The following PIK3C2G variants were observed in gnomAD, a reference collection of about 807,000 sequenced individuals.
PIK3C2G encodes phosphatidylinositol 3-kinase C2 domain-containing subunit gamma.
Under a neutral mutation model 181.1 loss-of-function variants are expected in PIK3C2G, and 168 were observed. That is an observed-to-expected ratio of 0.93 (90% CI 0.82 to 1.05). PIK3C2G has a LOEUF of 1.05. Among genes scored for constraint, PIK3C2G ranks in the 50% least tolerant of loss-of-function variants. The pLI, the probability that PIK3C2G is intolerant of heterozygous loss-of-function variation, is 0.00. For synonymous variants in PIK3C2G, 573 were observed against 592.2 expected, an observed-to-expected ratio of 0.97 and a Z score of 0.47; for missense variants, 1,869 against 1,732.8, an observed-to-expected ratio of 1.08 and a Z score of -1.40.
At chr12:18,641,404 G>A (rs1355891254) in intron 32 of PIK3C2G, among the ~76,000 whole-genome samples, 1 of 152,066 alleles carries the variant, frequency 6.6e-6, no homozygotes, top group Non-Finnish European at 1.5e-5. Flanking sequence ...AGGCTCTCGT[G>A]CCTGGATCAG....
Position 18,439,879 on chromosome 12 carries a change from G to A in PIK3C2G, c.2504+15840G>A, listed in dbSNP as rs543251314. ...GTATAATGAATCACAGGATACATTT[G>A]TAAAATACGTTTATTTTATTATCAA... On this transcript the variant is annotated intron_variant, in intron 18 of 32. Transcript: ENST00000538779. 7.2e-5 allele frequency among the ~76,000 whole-genome samples: 11 copies of A among 152,092 alleles called. No homozygotes were observed. In the East Asian group the frequency reaches 1.2e-3, roughly 16 times the overall value.
the PIK3C2G span, among the ~76,000 whole-genome samples, chr12:18,715,443 C>A: frequency 6.6e-6 from 1 of 151,278 alleles, no homozygotes; most frequent in Non-Finnish European, 1.5e-5. Flanking sequence ...GCTCTGTCGC[C>A]CAGACTGGGG....
chr12:18,358,437 G>A (rs1940945867), intron 11 of PIK3C2G: 1 of 193,922 alleles, frequency 5.2e-6, no homozygotes, highest in African/African-American at 2.3e-5. Context: ...TCATCTCACA[G>A]CAGCAGTGCT....
chr12:18,389,589 A>G (rs983954074), intron 14 of PIK3C2G, among the ~76,000 whole-genome samples: 5 of 152,170 alleles, frequency 3.3e-5, no homozygotes, highest in African/African-American at 1.2e-4. Flanking sequence ...TTCATTATGT[A>G]TGGTGCTTAA....
intron 31 of PIK3C2G, among the ~76,000 whole-genome samples, chr12:18,639,474 A>G (rs1361826578): frequency 6.6e-6 from 1 of 152,194 alleles, no homozygotes; most frequent in Non-Finnish European, 1.5e-5. Flanking sequence ...CTTTTAAATC[A>G]TCTGCTTTAA....
intron 9 of PIK3C2G, 115 bp downstream of exon 9, chr12:18,338,663 C>CTGTGTGTGTGTGTGTG (rs199613361): frequency 3.9e-5 from 16 of 413,930 alleles, no homozygotes; most frequent in Non-Finnish European, 5.7e-5. Flanking sequence ...TTGTGTGTAT[C>CTGTGTGTGTGTGTGTG]TGTGTGTGTG....
intron 24 of PIK3C2G, among the ~76,000 whole-genome samples, chr12:18,518,456 A>G (rs916721805): frequency 3.9e-5 from 6 of 151,982 alleles, no homozygotes; most frequent in Admixed American, 1.3e-4. Flanking sequence ...TCTTGGTTCA[A>G]TATTGGGAGG....
At chr12:18,466,171 A>G (rs960803126) in intron 18 of PIK3C2G, among the ~76,000 whole-genome samples, 6 of 151,602 alleles carry the variant, frequency 4.0e-5, no homozygotes, top group African/African-American at 1.2e-4. Context: ...TATTTTTATT[A>G]TTTATTCTGT....
chr12:18,457,352 C>T (rs928823847), intron 18 of PIK3C2G, among the ~76,000 whole-genome samples: 8 of 152,150 alleles, frequency 5.3e-5, no homozygotes, highest in Non-Finnish European at 7.4e-5. Flanking sequence ...AATAAATACA[C>T]ATCCAGTGTA....
intron 5 of PIK3C2G, among the ~76,000 whole-genome samples, chr12:18,306,421 G>T (rs12582982): frequency 6.6e-6 from 1 of 151,750 alleles, no homozygotes; most frequent in South Asian, 2.1e-4. Flanking sequence ...TTTTCCTATT[G>T]GTAGCTCACT....
chr12:18,726,365 C>A, the PIK3C2G span, among the ~76,000 whole-genome samples: 1 of 152,070 alleles, frequency 6.6e-6, no homozygotes, highest in Non-Finnish European at 1.5e-5. Flanking sequence ...CTTTGCAAAG[C>A]ATTACAAAAA....
chr12:18,364,524 T>C (rs555914205), intron 12 of PIK3C2G, among the ~76,000 whole-genome samples: 1 of 152,224 alleles, frequency 6.6e-6, no homozygotes, highest in Non-Finnish European at 1.5e-5. Flanking sequence ...CGACAGCAGG[T>C]AAAGCAGCAC....
At chr12:18,650,714 A>ATC (rs1950459630), downstream of PIK3C2G, among the ~76,000 whole-genome samples, 2 of 3,580 alleles carry the variant, frequency 5.6e-4, no homozygotes, top group African/African-American at 1.5e-3. Flanking sequence ...GTATATATCT[A>ATC]TATATATATA....
chr12:18,317,663 T>A (rs1167701737), intron 6 of PIK3C2G, among the ~76,000 whole-genome samples: 1 of 152,230 alleles, frequency 6.6e-6, no homozygotes, highest in Non-Finnish European at 1.5e-5. Flanking sequence ...GTGATAGTGC[T>A]TGTTTTTCTG....
At chr12:18,497,158 T>C (rs1941078873) in intron 21 of PIK3C2G, among the ~76,000 whole-genome samples, 1 of 152,206 alleles carries the variant, frequency 6.6e-6, no homozygotes, top group African/African-American at 2.4e-5. Flanking sequence ...ATCAATCATA[T>C]GGATGCTATT....
At chr12:18,665,831 A>G in the PIK3C2G span, among the ~76,000 whole-genome samples, 3 of 151,430 alleles carry the variant, frequency 2.0e-5, no homozygotes, top group East Asian at 3.9e-4. Context: ...GGTACTTGGG[A>G]GGCTGAGGCA....
the PIK3C2G span, among the ~76,000 whole-genome samples, chr12:18,687,230 C>T: frequency 1.3e-5 from 2 of 152,014 alleles, no homozygotes; most frequent in Non-Finnish European, 2.9e-5. Context: ...CAGGGGAGTG[C>T]AAAGGAGGCA....
chr12:18,476,112 G>A (rs945845258), intron 18 of PIK3C2G, among the ~76,000 whole-genome samples: 1 of 152,068 alleles, frequency 6.6e-6, no homozygotes, highest in Non-Finnish European at 1.5e-5. Flanking sequence ...TAAGAACAAC[G>A]AATAGAGGAA....
chr12:18,348,961 T>C (rs1565623943), intron 11 of PIK3C2G, among the ~76,000 whole-genome samples: 1 of 152,140 alleles, frequency 6.6e-6, no homozygotes, highest in Non-Finnish European at 1.5e-5. Flanking sequence ...GATGTGGTTA[T>C]TGAAAGACCT....
Sources: gnomAD v4.1 joint callset for allele counts (sites outside exome capture counted in the v4.1 genomes callset) on GRCh38, gnomAD v4.1.1 for gene constraint, MANE v1.5 for transcripts, NCBI Gene and HGNC (gene_info 2026-07-23, HGNC 2026-07-21) for gene names.